The following PGA5 variants were observed in gnomAD, a reference collection of about 807,000 sequenced individuals.
The protein encoded by PGA5 is pepsin A-5.
PGA5 carries 19 observed loss-of-function variants against 15.9 expected under a neutral mutation model. That is an observed-to-expected ratio of 1.19 (90% CI 0.83 to 1.75). The LOEUF (loss-of-function observed/expected upper bound fraction) is 1.75. PGA5 is among the 40% of genes most tolerant of loss of function. The pLI is 0.00. For missense variants in PGA5, 224 were observed against 246.4 expected (o/e 0.91, Z 0.61); for synonymous variants, 92 against 95.8 (o/e 0.96, Z 0.23).
chr11:61,248,105 C>T (rs971924201), intron 5 of PGA5: 7 of 658,948 alleles, frequency 1.1e-5, no homozygotes, highest in Non-Finnish European at 1.9e-5. Context: ...AGAGTGGGTA[C>T]CACGGTGGAA....
chr11:61,248,328 C>G, intron 5 of PGA5, 91 bp from the exon 6 acceptor site: 2 of 1,613,762 alleles, frequency 1.2e-6, no homozygotes, highest in Non-Finnish European at 1.7e-6. Flanking sequence ...GGAAAGTGCC[C>G]AATCAACGGT....
At position 61,246,155 on chromosome 11, in the gene PGA5, G is replaced by A; in HGVS notation, c.656+10G>A. On this transcript the variant is annotated intron_variant, in intron 5 of 8. Transcript: ENST00000312403. The stretch of plus-strand genomic sequence containing the variant: ...CTGTCTACCTCAGCGCGTAAGTTGA[G>A]TGGAGAGGGGCCTCCTCCCACCTCC... The A allele has an allele frequency of 2.6e-6, 1 of 379,962 alleles. No individual in the cohort carries two copies. Among genetic ancestry groups the A allele is most frequent in the South Asian group, 2.1e-5 (1 of 46,888 alleles). 23.5% of individuals were successfully genotyped at this position (379,962 alleles called of 1,614,324 possible). A position where few individuals can be genotyped will look rare whatever the true frequency, so the allele number is the denominator to read the frequency against.
intron 5 of PGA5, 77 bp from the exon 6 acceptor site, chr11:61,248,342 T>G: frequency 4.3e-6 from 7 of 1,613,744 alleles, no homozygotes; most frequent in Non-Finnish European, 5.1e-6. Flanking sequence ...CAACGGTCGC[T>G]CTGAGGAGGC....
At position 61,251,357 on chromosome 11, in the gene PGA5, C is replaced by T; in HGVS notation, c.*76C>T. The T allele has an allele frequency of 6.2e-7, 1 of 1,606,686 alleles. No individual in the cohort carries two copies. The highest frequency in any genetic ancestry group is 8.5e-7 in the Non-Finnish European group (1 of 1,176,556). On this transcript the variant is annotated 3_prime_UTR_variant, in exon 9 of 9. Coordinates refer to ENST00000312403, the MANE Select transcript of PGA5 (RefSeq NM_014224.5). ...CCCACTTTAGATGTATCTAATTCTC[C>T]TGACTGTTCTTCCCAGGGGAGTGTG...
chr11:61,251,350 A>C lies in PGA5; in HGVS notation c.*69A>C. ...TCCTATGCCCACTTTAGATGTATCT[A>C]ATTCTCCTGACTGTTCTTCCCAGGG... On this transcript the variant is annotated 3_prime_UTR_variant, in exon 9 of 9. Transcript: ENST00000312403. 6.2e-7 allele frequency: 1 copy of C among 1,608,860 alleles called. No homozygotes were observed. Among genetic ancestry groups the C allele is most frequent in the Non-Finnish European group, 8.5e-7 (1 of 1,177,836 alleles).
At chr11:61,247,340 G>A (rs1347507953) in intron 5 of PGA5, among the ~76,000 whole-genome samples, 4 of 150,852 alleles carry the variant, frequency 2.7e-5, no homozygotes, top group African/African-American at 7.4e-5. Flanking sequence ...GTGCAGTGGC[G>A]CTATCTCGCC....
In PGA5 at chr11:61,247,600, C is replaced by T. The variant is rs568950139; in HGVS notation, c.657-819C>T. Among the ~76,000 whole-genome samples, 15 of 152,086 alleles carry T rather than the reference C, an allele frequency of 9.9e-5. No individual in the cohort carries two copies. The South Asian group carries it at 1.7e-3, about 17-fold the overall frequency. ...CCCCGGATAATTAATTTCTTATTGC[C>T]GTCTACATTTCCTTCCACATCTAAC... On this transcript the variant is annotated intron_variant, in intron 5 of 8. Transcript: ENST00000312403.
At position 61,248,893 on chromosome 11, in the gene PGA5, C is replaced by T. The variant is rs113615869; in HGVS notation, c.773+358C>T. ...TGAACAAGCACACGCTCCTGCCACTCGAGGAAACATGTCACTTTCCGTCTA... is the reference window on the plus strand; with the variant it reads ...TGAACAAGCACACGCTCCTGCCACTTGAGGAAACATGTCACTTTCCGTCTA... On this transcript the variant is annotated intron_variant, in intron 6 of 8. Coordinates refer to ENST00000312403, the MANE Select transcript of PGA5 (RefSeq NM_014224.5). 4.8e-4 allele frequency among the ~76,000 whole-genome samples: 73 copies of T among 152,230 alleles called. 2 individuals carry two copies. Among genetic ancestry groups the T allele is most frequent in the African/African-American group, 1.7e-3 (71 of 41,464 alleles).
chr11:61,251,009 G>A (rs568470870), intron 8 of PGA5, 123 bp from the exon 9 acceptor site: 1 of 1,584,678 alleles, frequency 6.3e-7, no homozygotes, highest in Admixed American at 1.7e-5. Context: ...TGGACACTGA[G>A]CCAGGAAGCT....
chr11:61,250,600 T>C (rs11230645), intron 8 of PGA5: 26,399 of 448,416 alleles, frequency 0.059, 1,144 homozygotes, highest in South Asian at 0.069. Context: ...ACTCAAGTTA[T>C]TCAACAAGAA....
At chr11:61,246,255 GC>G in intron 5 of PGA5, 110 bp downstream of exon 5, 2 of 275,622 alleles carry the variant, frequency 7.3e-6, no homozygotes, top group South Asian at 5.0e-5. Context: ...GTCTTGGGAA[GC>G]AAGGGATTTG....
chr11:61,246,466 A>T (rs1313068468), intron 5 of PGA5, among the ~76,000 whole-genome samples: 1 of 151,824 alleles, frequency 6.6e-6, no homozygotes, highest in Non-Finnish European at 1.5e-5. Context: ...TTTAAAGTGA[A>T]TACAGTTAGC....
intron 6 of PGA5, 135 bp from the exon 7 acceptor site, chr11:61,249,534 A>G: frequency 6.6e-7 from 1 of 1,508,260 alleles, no homozygotes; most frequent in Non-Finnish European, 9.1e-7. Context: ...TGAGTGCGTG[A>G]ACGAGAGGAA....
At chr11:61,250,992 G>C (rs1026629416) in intron 8 of PGA5, 140 bp from the exon 9 acceptor site, 3 of 1,526,612 alleles carry the variant, frequency 2.0e-6, no homozygotes, top group Non-Finnish European at 2.7e-6. Flanking sequence ...AAGAACAGCC[G>C]AATCCCTGGA....
intron 6 of PGA5, 65 bp downstream of exon 6, chr11:61,248,600 A>G (rs2134705833): frequency 6.3e-7 from 1 of 1,591,204 alleles, no homozygotes; most frequent in East Asian, 2.2e-5. Context: ...TTATGGATTC[A>G]TAGCCAATCA....
Position 61,249,689 on chromosome 11 carries a change from C to A in PGA5, c.794C>A (p.Thr265Asn). The A allele has an allele frequency of 6.2e-7, 1 of 1,613,560 alleles. No individual in the cohort carries two copies. Among genetic ancestry groups the A allele is most frequent in the Non-Finnish European group, 8.5e-7 (1 of 1,179,846 alleles). Residue 265 changes from threonine to asparagine, a missense_variant, in exon 7 of 9, where the codon ACC (threonine) becomes AAC (asparagine). Thr to Asn is a moderately conservative substitution (Grantham distance 65). Transcript: ENST00000312403. ...CTCAGCATCACCATGAACGGAGAGA[C>A]CATCGCCTGTGCTGAGGGCTGCCAG... ...TVDSITMNGE[T>N]IACAEGCQAI... is the part of the protein sequence containing the mutation.
intron 5 of PGA5, among the ~76,000 whole-genome samples, chr11:61,247,865 C>T (rs1854085944): frequency 6.6e-6 from 1 of 152,096 alleles, no homozygotes; most frequent in Admixed American, 6.5e-5. Context: ...AATTCCTTGC[C>T]GCCAAGGACT....
Position 61,249,701 on chromosome 11 carries a change from C to G in PGA5, c.806C>G (p.Ala269Gly). The G allele has an allele frequency of 1.2e-6, 2 of 1,613,524 alleles. No individual in the cohort carries two copies. Among genetic ancestry groups the G allele is most frequent in the South Asian group, 2.2e-5 (2 of 91,044 alleles). ...ITMNGETIAC[A>G]EGCQAIVDTG... ...ATGAACGGAGAGACCATCGCCTGTG[C>G]TGAGGGCTGCCAGGCCATTGTTGAC... The change falls in exon 7 of 9, where the codon GCT becomes GGT. Residue 269 changes from alanine (A) to glycine (G), a missense_variant. Physicochemically the swap from Ala to Gly is moderately conservative, Grantham distance 60. Transcript: ENST00000312403.
chr11:61,249,549 A>T, intron 6 of PGA5, 120 bp from the exon 7 acceptor site: 2 of 1,564,648 alleles, frequency 1.3e-6, no homozygotes, highest in Middle Eastern at 1.8e-4. Flanking sequence ...GAGGAACAGA[A>T]ATTTCACGCA....
Sources: allele counts gnomAD v4.1 joint callset (sites outside exome capture counted in the v4.1 genomes callset), GRCh38; gene constraint gnomAD v4.1.1; transcripts MANE v1.5; gene names NCBI Gene and HGNC (gene_info 2026-07-23, HGNC 2026-07-21).